The following RCC1 variants were observed in gnomAD, a reference collection of about 807,000 sequenced individuals.
RCC1 encodes regulator of chromosome condensation 1.
RCC1 carries 11 observed loss-of-function variants against 44.4 expected under a neutral mutation model. The observed-to-expected ratio is 0.25, with a 90% CI of 0.16 to 0.41. The LOEUF is 0.41. Among genes scored for constraint, RCC1 ranks in the 10% least tolerant of loss-of-function variants. The pLI is 1.00. For missense variants in RCC1, 386 were observed against 547.1 expected, an observed-to-expected ratio of 0.71 and a Z score of 2.94; for synonymous variants, 213 against 216.5, an observed-to-expected ratio of 0.98 and a Z score of 0.14.
chr1:28,525,079 C>T (rs1309269180), intron 4 of RCC1, among the ~76,000 whole-genome samples: 1 of 152,022 alleles, frequency 6.6e-6, no homozygotes, highest in Non-Finnish European at 1.5e-5. Flanking sequence ...GCTTACAACT[C>T]TAAGGGGGTC....
At chr1:28,512,344 CATT>C (rs1449208091) in intron 3 of RCC1, among the ~76,000 whole-genome samples, 1 of 152,068 alleles carries the variant, frequency 6.6e-6, no homozygotes, top group Non-Finnish European at 1.5e-5. Flanking sequence ...TCTTCCTGGT[CATT>C]AGTATTCTGA....
intron 3 of RCC1, among the ~76,000 whole-genome samples, chr1:28,515,600 C>G (rs1367823615): frequency 6.6e-6 from 1 of 150,546 alleles, no homozygotes; most frequent in Non-Finnish European, 1.5e-5. Flanking sequence ...GTCTGTAATC[C>G]CAGCTACTCT....
intron 4 of RCC1, among the ~76,000 whole-genome samples, chr1:28,529,495 A>T (rs1464551991): frequency 6.6e-6 from 1 of 151,796 alleles, no homozygotes; most frequent in South Asian, 2.1e-4. Flanking sequence ...TCTGTTTTTC[A>T]TTCTGCTTGT....
chr1:28,506,563 C>T, intron 1 of RCC1: 1 of 224,914 alleles, frequency 4.4e-6, no homozygotes, highest in South Asian at 4.7e-5. Context: ...GTTAGACGGG[C>T]CTGGGCCAGA....
Position 28,538,213 on chromosome 1 carries a change from G to A in RCC1, c.*206G>A. On this transcript the variant is annotated 3_prime_UTR_variant, in exon 13 of 13. Coordinates refer to ENST00000683442, the MANE Select transcript of RCC1 (RefSeq NM_001381865.2). ...CCTGGGACCTACAGAATAAAGGGGG[G>A]GATGGACAGGGGGTTTTCAAAAGGA... is the stretch of plus-strand genomic sequence containing the variant. 4.1e-6 allele frequency: 2 copies of A among 493,236 alleles called. No homozygotes were observed. The highest frequency in any genetic ancestry group is 3.4e-5 in the East Asian group (1 of 29,846). 30.6% of individuals were successfully genotyped at this position (493,236 alleles called of 1,614,324 possible).
rs1168443435 is a variant in RCC1 at position 28,533,845 on chromosome 1, C to CTTTTTTTTTTTTTTTTTTTTTTTTTT, written c.442-1180_442-1155dup. Among the ~76,000 whole-genome samples, 11 of 46,878 alleles carry CTTTTTTTTTTTTTTTTTTTTTTTTTT rather than the reference C, an allele frequency of 2.3e-4. 2 individuals are homozygous for CTTTTTTTTTTTTTTTTTTTTTTTTTT. Among genetic ancestry groups the CTTTTTTTTTTTTTTTTTTTTTTTTTT allele is most frequent in the Non-Finnish European group, 4.1e-4 (11 of 26,884 alleles). 30.8% of individuals were successfully genotyped at this position (46,878 alleles called of 152,430 possible). On this transcript the variant is annotated intron_variant, in intron 7 of 12. Transcript: ENST00000683442. The stretch of plus-strand genomic sequence containing the variant: ...ATATTTTTTTCTTTTCTTTTCTTTT[C>CTTTTTTTTTTTTTTTTTTTTTTTTTT]TTTTTTTTTTTTTTTTTTTTTTTTT...
At chr1:28,507,893 A>G in intron 1 of RCC1, 1 of 307,214 alleles carries the variant, frequency 3.3e-6, no homozygotes, top group South Asian at 2.7e-5. Flanking sequence ...GGCGTGAGCC[A>G]CCACACCTGG....
chr1:28,514,404 C>T lies in RCC1; in HGVS notation c.-152-2321C>T, dbSNP rs1292659278. 1.0e-4 allele frequency among the ~76,000 whole-genome samples: 15 copies of T among 149,956 alleles called. No individual in the cohort carries two copies. In the East Asian group the frequency reaches 1.4e-3, roughly 14 times the overall value. The stretch of plus-strand genomic sequence containing the variant: ...GGTGGAGCTTGCAGTGAGCCAAGAT[C>T]GCGCCACTGCACTCCAGCCTGGGCG... On this transcript the variant is annotated intron_variant, in intron 3 of 12. Transcript: ENST00000683442.
rs1664571112 is a variant in RCC1 at position 28,536,642 on chromosome 1, G to A, written c.938-105G>A. The A allele has an allele frequency of 1.4e-6, 2 of 1,383,680 alleles. No homozygotes were observed. Among genetic ancestry groups the A allele is most frequent in the Non-Finnish European group, 2.0e-6 (2 of 999,570 alleles). 85.7% of individuals were successfully genotyped at this position (1,383,680 alleles called of 1,614,324 possible). A position where few individuals can be genotyped will look rare whatever the true frequency, so the allele number is the denominator to read the frequency against. ...GCAGATCTCCTTCTGATCGCTCTGG[G>A]AGCAGGGACACACTCCCATGGACAG... On this transcript the variant is annotated intron_variant, in intron 11 of 12. Coordinates refer to ENST00000683442, the MANE Select transcript of RCC1 (RefSeq NM_001381865.2). The surrounding 1 kb of genome is among the most constrained non-coding windows in gnomAD (Gnocchi z 4.9).
chr1:28,528,184 AG>A (rs1663813939), intron 4 of RCC1, among the ~76,000 whole-genome samples: 1 of 151,622 alleles, frequency 6.6e-6, no homozygotes, highest in East Asian at 2.0e-4. Context: ...GGCTGGGCAC[AG>A]TGGCTCACGC....
chr1:28,521,607 C>T (rs1437950986), intron 4 of RCC1, among the ~76,000 whole-genome samples: 1 of 152,192 alleles, frequency 6.6e-6, no homozygotes, highest in Non-Finnish European at 1.5e-5. Context: ...GGAGAGGAAG[C>T]CTCTGGGACT....
chr1:28,514,168 A>G (rs1019959742), intron 3 of RCC1, among the ~76,000 whole-genome samples: 7 of 151,658 alleles, frequency 4.6e-5, no homozygotes, highest in African/African-American at 1.2e-4. Context: ...AAAAAAAAAA[A>G]GGCGGGGCCC....
In RCC1 at chr1:28,535,926, C is replaced by T. The variant is rs756669209; in HGVS notation, c.717C>T (p.His239=). 1.2e-5 allele frequency: 19 copies of T among 1,614,018 alleles called. No individual in the cohort carries two copies. The highest frequency in any genetic ancestry group is 6.7e-5 in the Admixed American group (4 of 59,994). The change falls in exon 10 of 13, where the codon CAC becomes CAT. Residue 239 remains histidine, a synonymous_variant. Coordinates refer to ENST00000683442, the MANE Select transcript of RCC1 (RefSeq NM_001381865.2). The stretch of plus-strand genomic sequence containing the variant: ...TGAAATCCAGGGGAAGCCGGGGCCA[C>T]GTGAGATTCCAGGATGCCTTTTGTG... ...VMLKSRGSRG[H]VRFQDAFCGA...
At chr1:28,507,549 G>GACAAACC (rs748816070) in intron 1 of RCC1, 1 of 517,680 alleles carries the variant, frequency 1.9e-6, no homozygotes, top group Non-Finnish European at 3.8e-6. Context: ...TTACTGGGGA[G>GACAAACC]ACAAACCATG....
intron 12 of RCC1, among the ~76,000 whole-genome samples, chr1:28,537,325 A>G (rs1284193362): frequency 6.6e-6 from 1 of 152,184 alleles, no homozygotes; most frequent in East Asian, 1.9e-4. Flanking sequence ...TGTAGCAACT[A>G]TAGCAGAGGA....
In RCC1 at chr1:28,535,965, C is replaced by T; in HGVS notation, c.756C>T (p.Thr252=). The T allele has an allele frequency of 1.2e-6, 2 of 1,614,124 alleles. No individual in the cohort carries two copies. The highest frequency in any genetic ancestry group is 1.1e-5 in the South Asian group (1 of 91,068). ...ATGCCTTTTGTGGTGCCTATTTCAC[C>T]TTTGCCATCTCCCATGAGGGCCACG... is the stretch of plus-strand genomic sequence containing the variant. ...FQDAFCGAYF[T]FAISHEGHVY... The change falls in exon 10 of 13, where the codon ACC becomes ACT. Residue 252 remains threonine, a synonymous_variant. Coordinates refer to ENST00000683442, the MANE Select transcript of RCC1 (RefSeq NM_001381865.2).
intron 1 of RCC1, chr1:28,506,856 C>A (rs1004252203): frequency 1.3e-5 from 2 of 158,398 alleles, no homozygotes; most frequent in African/African-American, 4.8e-5. Context: ...CGTGTACCAC[C>A]GCGCCTGGCT....
intron 5 of RCC1, among the ~76,000 whole-genome samples, chr1:28,531,562 C>T (rs1421561119): frequency 6.6e-6 from 1 of 152,112 alleles, no homozygotes; most frequent in Non-Finnish European, 1.5e-5. Context: ...CCAGTGTCTC[C>T]TTGTTTCCCT....
chr1:28,537,809 G>C, intron 12 of RCC1, 23 bp from the exon 13 acceptor site: 1 of 1,603,144 alleles, frequency 6.2e-7, no homozygotes, highest in African/African-American at 1.3e-5. Flanking sequence ...GGAGACAGCT[G>C]TACCCATTTC....
Sources: allele counts gnomAD v4.1 joint callset (sites outside exome capture counted in the v4.1 genomes callset), GRCh38; gene constraint gnomAD v4.1.1; non-coding constraint Gnocchi (gnomAD v3.1); transcripts MANE v1.5; gene names NCBI Gene and HGNC (gene_info 2026-07-23, HGNC 2026-07-21).